The following MGMT variants were observed in gnomAD, a reference collection of about 807,000 sequenced individuals.
The protein encoded by MGMT is methylated-DNA--protein-cysteine methyltransferase.
Under a neutral mutation model 15.9 loss-of-function variants are expected in MGMT, and 14 were observed. The observed-to-expected ratio is 0.88, with a 90% CI of 0.58 to 1.37. The LOEUF is 1.37. MGMT is among the 40% of genes most tolerant of loss of function. The probability of loss-of-function intolerance (pLI) is 0.00; values close to 1 mark genes in which losing one functional copy is unlikely to be tolerated. For synonymous variants in MGMT, 130 were observed against 118.2 expected, an observed-to-expected ratio of 1.10 and a Z score of -0.65; for missense variants, 282 against 268.1, an observed-to-expected ratio of 1.05 and a Z score of -0.36.
intron 2 of MGMT, among the ~76,000 whole-genome samples, chr10:129,646,076 G>A (rs1847385178): frequency 6.6e-6 from 1 of 151,828 alleles, no homozygotes; most frequent in Admixed American, 6.6e-5. Context: ...ATCCCGGTAT[G>A]TGAAGTACAG....
At chr10:129,540,066 T>C (rs983982909) in intron 2 of MGMT, among the ~76,000 whole-genome samples, 6 of 152,218 alleles carry the variant, frequency 3.9e-5, no homozygotes, top group African/African-American at 1.4e-4. Context: ...GGTTCTTTCA[T>C]TGTCCTCGGC....
At chr10:129,558,593 A>G (rs2119804217) in intron 2 of MGMT, among the ~76,000 whole-genome samples, 1 of 152,218 alleles carries the variant, frequency 6.6e-6, no homozygotes, top group African/African-American at 2.4e-5. Context: ...TTTAAAATGG[A>G]AGGCTAGCTT....
chr10:129,692,708 G>T (rs562519406), intron 2 of MGMT, among the ~76,000 whole-genome samples: 2 of 152,326 alleles, frequency 1.3e-5, no homozygotes, highest in African/African-American at 2.4e-5. Context: ...CAGCTGCAGG[G>T]TTGCAGTGGA....
chr10:129,696,495 C>G (rs560998308), intron 2 of MGMT, among the ~76,000 whole-genome samples: 2 of 152,340 alleles, frequency 1.3e-5, no homozygotes, highest in South Asian at 2.1e-4. Flanking sequence ...ACCACAAAAT[C>G]TGAAAAGGCA....
At chr10:129,661,840 T>G (rs1847602021) in intron 2 of MGMT, among the ~76,000 whole-genome samples, 1 of 152,230 alleles carries the variant, frequency 6.6e-6, no homozygotes, top group Non-Finnish European at 1.5e-5. Flanking sequence ...TACTGGTAAT[T>G]TGCTTTCGTG....
Position 129,766,386 on chromosome 10 carries a change from C to T in MGMT, c.415-402C>T, listed in dbSNP as rs376399661. Among the ~76,000 whole-genome samples the T allele has an allele frequency of 1.8e-4, 27 of 152,290 alleles. No homozygotes were observed. In the East Asian group the frequency reaches 4.4e-3, roughly 25 times the overall value. ...TCTCTGATGCGTCCTGTGATGCCTG[C>T]GTGGTACCTGGGGAGTGTTTGAGAG... On this transcript the variant is annotated intron_variant, in intron 4 of 4. Transcript: ENST00000651593.
intron 2 of MGMT, among the ~76,000 whole-genome samples, chr10:129,639,932 G>A (rs1186385076): frequency 1.4e-5 from 2 of 139,758 alleles, no homozygotes; most frequent in African/African-American, 5.4e-5. Context: ...CTGATAAATC[G>A]GTGGCTAGAC....
chr10:129,499,749 T>C (rs577618431), intron 1 of MGMT, among the ~76,000 whole-genome samples: 1 of 152,340 alleles, frequency 6.6e-6, no homozygotes, highest in South Asian at 2.1e-4. Flanking sequence ...AGAAATCTTA[T>C]GAAGTGTTGG....
chr10:129,753,421 CT>C lies in MGMT; in HGVS notation c.275-5774del, dbSNP rs577185802. 1.3e-3 allele frequency among the ~76,000 whole-genome samples: 192 copies of C among 152,198 alleles called. 1 individual carries two copies. The highest frequency in any genetic ancestry group is 4.4e-3 in the African/African-American group (182 of 41,546). ...TATTTGAATTTTTTCCCGTACTACA[CT>C]TTTTTTCCTCTTTTTCTGTAACTCC... On this transcript the variant is annotated intron_variant, in intron 3 of 4. Coordinates refer to ENST00000651593, the MANE Select transcript of MGMT (RefSeq NM_002412.5).
chr10:129,518,373 C>CAAA, intron 1 of MGMT, among the ~76,000 whole-genome samples: 1 of 149,894 alleles, frequency 6.7e-6, no homozygotes, highest in African/African-American at 2.5e-5. Flanking sequence ...CACACACACA[C>CAAA]ATTTGGCCCT....
chr10:129,646,272 G>A (rs1341816422), intron 2 of MGMT, among the ~76,000 whole-genome samples: 2 of 152,078 alleles, frequency 1.3e-5, no homozygotes, highest in African/African-American at 4.8e-5. Context: ...AGAAGTAGCC[G>A]AGACATTTCT....
intron 3 of MGMT, among the ~76,000 whole-genome samples, chr10:129,713,907 T>C (rs543083295): frequency 6.6e-6 from 1 of 152,312 alleles, no homozygotes; most frequent in Non-Finnish European, 1.5e-5. Context: ...CGGCCTGACT[T>C]TCATGGGAAG....
intron 2 of MGMT, among the ~76,000 whole-genome samples, chr10:129,578,233 C>A (rs780062560): frequency 6.6e-6 from 1 of 152,142 alleles, no homozygotes. Flanking sequence ...TACATGTACA[C>A]GTATGTTTAT....
chr10:129,663,526 A>C (rs999597225), intron 2 of MGMT, among the ~76,000 whole-genome samples: 3 of 152,160 alleles, frequency 2.0e-5, no homozygotes, highest in African/African-American at 7.2e-5. Flanking sequence ...GCATTTATTT[A>C]ATCAGTAAAT....
intron 2 of MGMT, among the ~76,000 whole-genome samples, chr10:129,647,311 C>A (rs1038209657): frequency 1.3e-5 from 2 of 152,058 alleles, no homozygotes; most frequent in South Asian, 4.1e-4. Context: ...ACATTCGACG[C>A]TCAAGTGTGT....
Position 129,759,359 on chromosome 10 carries a change from A to G in MGMT, c.414+18A>G, listed in dbSNP as rs2133185344. On this transcript the variant is annotated intron_variant, in intron 4 of 4. Coordinates refer to ENST00000651593, the MANE Select transcript of MGMT (RefSeq NM_002412.5). ...GCAATCCTGTGAGTTCTCATGGCGCAAGCATGGCTGTGGGTGGCGGGTGCG... is the reference window on the plus strand; with the variant it reads ...GCAATCCTGTGAGTTCTCATGGCGCGAGCATGGCTGTGGGTGGCGGGTGCG... 6.2e-7 allele frequency: 1 copy of G among 1,614,024 alleles called. No homozygotes were observed. The highest frequency in any genetic ancestry group is 8.5e-7 in the Non-Finnish European group (1 of 1,179,954).
intron 2 of MGMT, among the ~76,000 whole-genome samples, chr10:129,650,869 T>A (rs1182024246): frequency 6.6e-6 from 1 of 152,142 alleles, no homozygotes; most frequent in Non-Finnish European, 1.5e-5. Context: ...ACGGTTAGTC[T>A]CAGGAGAGCC....
At chr10:129,744,018 A>C (rs1017509499) in intron 3 of MGMT, among the ~76,000 whole-genome samples, 2 of 152,216 alleles carry the variant, frequency 1.3e-5, no homozygotes, top group Non-Finnish European at 2.9e-5. Flanking sequence ...CTCTGCTTCC[A>C]TGATGAATAA....
intron 2 of MGMT, among the ~76,000 whole-genome samples, chr10:129,585,551 C>T (rs950277703): frequency 6.6e-6 from 1 of 152,156 alleles, no homozygotes; most frequent in Non-Finnish European, 1.5e-5. Flanking sequence ...TTATATAGCC[C>T]AGAGACACCC....
Sources: gnomAD v4.1 joint callset for allele counts (sites outside exome capture counted in the v4.1 genomes callset) on GRCh38, gnomAD v4.1.1 for gene constraint, MANE v1.5 for transcripts, NCBI Gene and HGNC (gene_info 2026-07-23, HGNC 2026-07-21) for gene names.